The following CEP128 variants were observed in gnomAD, a reference collection of about 807,000 sequenced individuals.
The protein encoded by CEP128 is centrosomal protein 128.
A neutral mutation model predicts 156.7 loss-of-function variants in CEP128; 132 were observed. That is an observed-to-expected ratio of 0.84 (90% CI 0.73 to 0.97). The LOEUF is 0.97. Ranked by LOEUF, CEP128 falls within the 50% of genes least tolerant of loss-of-function variation. The probability of loss-of-function intolerance (pLI) is 0.00; values close to 1 mark genes in which losing one functional copy is unlikely to be tolerated. For missense variants in CEP128, 1,252 were observed against 1,281.9 expected (o/e 0.98, Z 0.36); for synonymous variants, 469 against 448.9 (o/e 1.04, Z -0.57).
intron 8 of CEP128, among the ~76,000 whole-genome samples, chr14:80,877,571 A>C (rs997970232): frequency 1.3e-5 from 2 of 152,216 alleles, no homozygotes; most frequent in Non-Finnish European, 2.9e-5. Context: ...TTTGAACCAA[A>C]ATAACTACAG....
At chr14:80,920,027 GT>G (rs1884770145) in intron 2 of CEP128, among the ~76,000 whole-genome samples, 2 of 152,098 alleles carry the variant, frequency 1.3e-5, no homozygotes, top group South Asian at 4.2e-4. Context: ...AATTACCTAA[GT>G]TTCATAAATG....
chr14:80,895,815 T>C, intron 7 of CEP128, 25 bp from the exon 8 acceptor site: 2 of 855,208 alleles, frequency 2.3e-6, no homozygotes, highest in Non-Finnish European at 3.4e-6. Context: ...AAAAAAAAGA[T>C]TTAAATTTGG....
intron 13 of CEP128, among the ~76,000 whole-genome samples, chr14:80,821,600 T>TACAC (rs71103885): frequency 0.064 from 9,310 of 144,810 alleles, 277 homozygotes; most frequent in Middle Eastern, 0.092. Flanking sequence ...CATACACACA[T>TACAC]ACACACACAC....
At chr14:80,840,860 G>T in intron 9 of CEP128, 92 bp from the exon 10 acceptor site, 1 of 769,192 alleles carries the variant, frequency 1.3e-6, no homozygotes, top group East Asian at 2.5e-5. Flanking sequence ...GGCTGAAGAA[G>T]ACATGGATAT....
chr14:80,544,920 G>C (rs2140321059), intron 21 of CEP128, among the ~76,000 whole-genome samples: 1 of 152,200 alleles, frequency 6.6e-6, no homozygotes, highest in East Asian at 1.9e-4. Flanking sequence ...TGTCTTCATA[G>C]AAGATCTTTT....
At chr14:80,739,584 T>C (rs906559299) in intron 19 of CEP128, among the ~76,000 whole-genome samples, 2 of 152,182 alleles carry the variant, frequency 1.3e-5, no homozygotes, top group Non-Finnish European at 2.9e-5. Context: ...CTAAAAGTTA[T>C]AGTCATTCTA....
chr14:80,645,426 T>C (rs1216074082), intron 19 of CEP128, among the ~76,000 whole-genome samples: 1 of 152,016 alleles, frequency 6.6e-6, no homozygotes. Flanking sequence ...TAAGTCTAAG[T>C]GAATGGTAAA....
intron 9 of CEP128, among the ~76,000 whole-genome samples, chr14:80,851,608 C>T (rs1397198931): frequency 6.6e-6 from 1 of 151,390 alleles, no homozygotes; most frequent in East Asian, 1.9e-4. Context: ...TAATATACTC[C>T]ACTCCAAATA....
intron 8 of CEP128, among the ~76,000 whole-genome samples, chr14:80,879,596 A>G (rs1400677070): frequency 6.6e-6 from 1 of 152,174 alleles, no homozygotes; most frequent in East Asian, 1.9e-4. Flanking sequence ...TAGATCAAAC[A>G]GAAGAGACAG....
chr14:80,661,931 T>C (rs1248024683), intron 19 of CEP128, among the ~76,000 whole-genome samples: 1 of 152,196 alleles, frequency 6.6e-6, no homozygotes, highest in African/African-American at 2.4e-5. Flanking sequence ...TGCTTAATTA[T>C]ACAGAATACA....
At chr14:80,579,226 G>A (rs1891485605) in intron 20 of CEP128, among the ~76,000 whole-genome samples, 1 of 152,050 alleles carries the variant, frequency 6.6e-6, no homozygotes, top group Non-Finnish European at 1.5e-5. Flanking sequence ...AAAGAGCTAT[G>A]CTTTTTATAA....
intron 19 of CEP128, among the ~76,000 whole-genome samples, chr14:80,718,152 T>C (rs1019677006): frequency 2.6e-5 from 4 of 152,228 alleles, no homozygotes; most frequent in Non-Finnish European, 4.4e-5. Context: ...TTTCATGTAG[T>C]TGAAGGTGTG....
intron 19 of CEP128, among the ~76,000 whole-genome samples, chr14:80,627,931 CAAGTG>C (rs2140705591): frequency 6.6e-6 from 1 of 152,166 alleles, no homozygotes; most frequent in South Asian, 2.1e-4. Context: ...AAAAGTTTTT[CAAGTG>C]ACCTAACCCA....
intron 14 of CEP128, among the ~76,000 whole-genome samples, chr14:80,479,456 A>G (rs1359953156): frequency 1.3e-5 from 2 of 152,148 alleles, no homozygotes; most frequent in African/African-American, 4.8e-5. Context: ...TAGCAGCAAG[A>G]GAAAAATAAG....
At chr14:80,869,355 A>T (rs1307622294) in intron 8 of CEP128, among the ~76,000 whole-genome samples, 2 of 152,070 alleles carry the variant, frequency 1.3e-5, no homozygotes, top group Non-Finnish European at 2.9e-5. Flanking sequence ...TGAACAATCA[A>T]TGGGTCAAAT....
At chr14:80,635,539 A>G (rs1252928802) in intron 19 of CEP128, among the ~76,000 whole-genome samples, 3 of 152,080 alleles carry the variant, frequency 2.0e-5, no homozygotes, top group Admixed American at 6.5e-5. Context: ...CTGCAAGAAG[A>G]GTTTCTTCTT....
intron 19 of CEP128, among the ~76,000 whole-genome samples, chr14:80,709,815 G>T (rs59766241): frequency 6.6e-6 from 1 of 151,932 alleles, no homozygotes; most frequent in African/African-American, 2.4e-5. Context: ...TAAATGAATG[G>T]GGTCTTCTTT....
chr14:80,521,478 G>C (rs17110717), intron 23 of CEP128, among the ~76,000 whole-genome samples: 8,021 of 152,128 alleles, frequency 0.053, 481 homozygotes, highest in African/African-American at 0.15. Context: ...ACGATTTTCA[G>C]ATTTTATAAC....
chr14:80,687,890 T>C (rs1896581733), intron 19 of CEP128, among the ~76,000 whole-genome samples: 1 of 152,160 alleles, frequency 6.6e-6, no homozygotes, highest in African/African-American at 2.4e-5. Context: ...TAAAAACGTA[T>C]TAGATTTTTT....
Sources: gnomAD v4.1 joint callset for allele counts (sites outside exome capture counted in the v4.1 genomes callset) on GRCh38, gnomAD v4.1.1 for gene constraint, MANE v1.5 for transcripts, NCBI Gene and HGNC (gene_info 2026-07-23, HGNC 2026-07-21) for gene names.